The following PID1 variants were observed in gnomAD, a reference collection of about 807,000 sequenced individuals.
The protein encoded by PID1 is phosphotyrosine interaction domain containing 1.
In PID1, 10 loss-of-function variants were observed where a neutral mutation model predicts 19.1. The observed-to-expected ratio is 0.52, with a 90% CI of 0.32 to 0.89. The LOEUF (loss-of-function observed/expected upper bound fraction) is 0.89, where lower values mean the gene tolerates loss of function less well. Among genes scored for constraint, PID1 ranks in the 40% least tolerant of loss-of-function variants. The pLI is 0.03. For missense variants in PID1, 248 were observed against 285.3 expected (o/e 0.87, Z 0.94); for synonymous variants, 130 against 116.0 (o/e 1.12, Z -0.78).
intron 2 of PID1, among the ~76,000 whole-genome samples, chr2:229,102,775 G>A (rs1284767198): frequency 1.3e-5 from 2 of 152,180 alleles, no homozygotes; most frequent in South Asian, 2.1e-4. Flanking sequence ...GCCCAGAGTG[G>A]GCAGAGCCAG....
rs1236274763 is a variant in PID1 at position 229,039,977 on chromosome 2, A to G, written c.178-13869T>C. ...CATTATTTGTAATCATAAGATACAT[A>G]AAACAATCTAAATGCTCATACCAAA... On this transcript the variant is annotated intron_variant, in intron 2 of 2. Transcript: ENST00000392055. Among the ~76,000 whole-genome samples the G allele has an allele frequency of 2.0e-5, 3 of 152,220 alleles. No homozygotes were observed. In the East Asian group the frequency reaches 5.8e-4, roughly 29 times the overall value.
At chr2:229,220,668 G>T (rs1379080990) in intron 1 of PID1, among the ~76,000 whole-genome samples, 1 of 152,164 alleles carries the variant, frequency 6.6e-6, no homozygotes, top group Non-Finnish European at 1.5e-5. Flanking sequence ...GGGGCTATTA[G>T]CATTGAACTT....
intron 1 of PID1, among the ~76,000 whole-genome samples, chr2:229,201,503 C>T (rs1316098312): frequency 6.6e-6 from 1 of 152,082 alleles, no homozygotes; most frequent in Non-Finnish European, 1.5e-5. Flanking sequence ...GGATTTACCA[C>T]ATTTTGCTTA....
chr2:229,093,420 C>T (rs1396372991), intron 2 of PID1, among the ~76,000 whole-genome samples: 1 of 152,104 alleles, frequency 6.6e-6, no homozygotes, highest in Non-Finnish European at 1.5e-5. Flanking sequence ...CATCAAGCCT[C>T]GCCCCCTTTT....
chr2:229,076,384 G>GT (rs548168828), intron 2 of PID1, among the ~76,000 whole-genome samples: 172 of 147,224 alleles, frequency 1.2e-3, no homozygotes, highest in Middle Eastern at 0.011. Flanking sequence ...TTGGGTTTTT[G>GT]TTTTTTTTTT....
intron 2 of PID1, among the ~76,000 whole-genome samples, chr2:229,125,977 A>G (rs975583): frequency 0.79 from 120,692 of 151,992 alleles, 48,060 homozygotes; most frequent in East Asian, 1. Context: ...TGCTACTTAG[A>G]GAGCAATAGA....
chr2:229,259,378 T>C (rs1249445859), intron 1 of PID1, among the ~76,000 whole-genome samples: 1 of 152,118 alleles, frequency 6.6e-6, no homozygotes, highest in Non-Finnish European at 1.5e-5. Context: ...TAAAGTCCAA[T>C]TTTTTCTTTG....
chr2:229,206,401 C>A (rs528601565), intron 1 of PID1, among the ~76,000 whole-genome samples: 64 of 151,936 alleles, frequency 4.2e-4, no homozygotes, highest in Admixed American at 2.7e-3. Flanking sequence ...AAACAATAAA[C>A]AATGTATAAG....
At position 229,055,809 on chromosome 2, in the gene PID1, A is replaced by G. The variant is rs541496215; in HGVS notation, c.178-29701T>C. Among the ~76,000 whole-genome samples, 5 of 152,358 alleles carry G rather than the reference A, an allele frequency of 3.3e-5. No individual in the cohort carries two copies. In the East Asian group the frequency reaches 9.6e-4, roughly 29 times the overall value. ...TTCTTCGGCATACAGCCTGACTTCA[A>G]TAAAATAACTCATTTCTAGTGCTTT... On this transcript the variant is annotated intron_variant, in intron 2 of 2. Transcript: ENST00000392055.
chr2:229,223,959 G>C (rs1054011130), intron 1 of PID1, among the ~76,000 whole-genome samples: 2 of 152,094 alleles, frequency 1.3e-5, no homozygotes, highest in Admixed American at 6.5e-5. Context: ...GAAGACCCCA[G>C]TCTCTACTGT....
intron 2 of PID1, among the ~76,000 whole-genome samples, chr2:229,135,895 G>A (rs183065598): frequency 1.3e-4 from 20 of 152,304 alleles, no homozygotes; most frequent in African/African-American, 4.8e-4. Flanking sequence ...TGAAAACATG[G>A]TCAGTAAACA....
chr2:229,229,453 C>T (rs776323993), intron 1 of PID1, among the ~76,000 whole-genome samples: 21 of 142,988 alleles, frequency 1.5e-4, no homozygotes, highest in Non-Finnish European at 2.9e-4. Context: ...GGCAACAAGA[C>T]GAAACCGCAT....
chr2:229,080,787 A>C (rs886553561), intron 2 of PID1, among the ~76,000 whole-genome samples: 1 of 152,200 alleles, frequency 6.6e-6, no homozygotes, highest in East Asian at 1.9e-4. Context: ...AACAAACAAG[A>C]AAACCTCTAA....
At position 229,204,656 on chromosome 2, in the gene PID1, C is replaced by T. The variant is rs182940468; in HGVS notation, c.31-48692G>A. Among the ~76,000 whole-genome samples, 7 of 152,134 alleles carry T rather than the reference C, an allele frequency of 4.6e-5. No individual in the cohort carries two copies. In the East Asian group the frequency reaches 1.4e-3, roughly 30 times the overall value. Reference sequence around the variant, plus strand: ...TGAGGTCACACAGGCTTTGATCCTGCTGTATACTGTACAACGGAATGATCA... The same window carrying T: ...TGAGGTCACACAGGCTTTGATCCTGTTGTATACTGTACAACGGAATGATCA... On this transcript the variant is annotated intron_variant, in intron 1 of 2. Coordinates refer to ENST00000392055, the MANE Select transcript of PID1 (RefSeq NM_001100818.2).
At chr2:229,051,075 C>G (rs1014610205) in intron 2 of PID1, among the ~76,000 whole-genome samples, 1 of 152,124 alleles carries the variant, frequency 6.6e-6, no homozygotes, top group Non-Finnish European at 1.5e-5. Flanking sequence ...TCTACATGTA[C>G]TCTCAATGAT....
At chr2:229,179,569 G>A (rs577794018) in intron 1 of PID1, among the ~76,000 whole-genome samples, 21 of 152,262 alleles carry the variant, frequency 1.4e-4, no homozygotes, top group South Asian at 2.1e-4. Flanking sequence ...AGCTCATAGC[G>A]TCCATTTAGT....
intron 2 of PID1, among the ~76,000 whole-genome samples, chr2:229,059,742 A>AATCTGTT (rs2106191795): frequency 6.6e-6 from 1 of 152,212 alleles, no homozygotes; most frequent in African/African-American, 2.4e-5. Flanking sequence ...CCAATTGCAA[A>AATCTGTT]ATCTGTTAAA....
chr2:229,145,058 T>G, intron 2 of PID1, among the ~76,000 whole-genome samples: 1 of 151,078 alleles, frequency 6.6e-6, no homozygotes, highest in South Asian at 2.1e-4. Flanking sequence ...GTTCTCACAT[T>G]TGGTTCCCTC....
At chr2:229,245,874 C>T (rs879650420) in intron 1 of PID1, among the ~76,000 whole-genome samples, 5 of 152,094 alleles carry the variant, frequency 3.3e-5, no homozygotes, top group African/African-American at 9.7e-5. Context: ...CATTATACCA[C>T]GTTCACTTAG....
Sources: allele counts gnomAD v4.1 joint callset (sites outside exome capture counted in the v4.1 genomes callset), GRCh38; gene constraint gnomAD v4.1.1; transcripts MANE v1.5; gene names NCBI Gene and HGNC (gene_info 2026-07-23, HGNC 2026-07-21).